PPP5C: variants seen among roughly 807,000 people sequenced by gnomAD.
The protein encoded by PPP5C is serine/threonine-protein phosphatase 5.
Under a neutral mutation model 66.7 loss-of-function variants are expected in PPP5C, and 21 were observed. The observed-to-expected ratio is 0.31, with a 90% CI of 0.22 to 0.45. The LOEUF is 0.45. PPP5C is among the 20% of genes least tolerant of loss of function. The pLI, the probability that PPP5C is intolerant of heterozygous loss-of-function variation, is 1.00. For synonymous variants in PPP5C, 246 were observed against 257.4 expected, an observed-to-expected ratio of 0.96 and a Z score of 0.43; for missense variants, 464 against 675.9, an observed-to-expected ratio of 0.69 and a Z score of 3.48.
chr19:46,361,978 A>G (rs1290527753), intron 2 of PPP5C, among the ~76,000 whole-genome samples: 2 of 151,954 alleles, frequency 1.3e-5, no homozygotes, highest in East Asian at 3.9e-4. Flanking sequence ...CCTACTTTCC[A>G]TATCTATTCA....
At chr19:46,374,031 G>T (rs1207887345) in intron 2 of PPP5C, among the ~76,000 whole-genome samples, 1 of 152,202 alleles carries the variant, frequency 6.6e-6, no homozygotes, top group African/African-American at 2.4e-5. Context: ...TGCCAGCCGG[G>T]TGTGGGCACA....
rs995711710 is a variant in PPP5C at position 46,390,558 on chromosome 19, G to C, written c.*212G>C. 5.7e-6 allele frequency: 8 copies of C among 1,409,698 alleles called. No homozygotes were observed. The East Asian group carries it at 1.8e-4, about 32-fold the overall frequency. 87.3% of individuals were successfully genotyped at this position (1,409,698 alleles called of 1,614,324 possible). A position where few individuals can be genotyped will look rare whatever the true frequency, so the allele number is the denominator to read the frequency against. On this transcript the variant is annotated 3_prime_UTR_variant, in exon 13 of 13. Transcript: ENST00000012443. ...GTCTGCTCCCTGGACAGAGAGGAAG[G>C]AGGTGGAGCAGCTGGGGCTGGGGGC... is the stretch of plus-strand genomic sequence containing the variant.
intron 11 of PPP5C, 148 bp from the exon 12 acceptor site, chr19:46,389,903 C>T (rs775212701): frequency 7.0e-6 from 4 of 572,726 alleles, no homozygotes; most frequent in Non-Finnish European, 1.3e-5. Flanking sequence ...ATTCGTCTTT[C>T]CCATCTCTGT....
chr19:46,348,424 C>T (rs1972124598), intron 1 of PPP5C, among the ~76,000 whole-genome samples: 2 of 151,368 alleles, frequency 1.3e-5, no homozygotes, highest in Non-Finnish European at 2.9e-5. Context: ...AGCGATTCTC[C>T]TGCCTCAGCC....
Position 46,387,130 on chromosome 19 carries a change from T to C in PPP5C, c.942T>C (p.Gly314=), listed in dbSNP as rs767557584. The change falls in exon 8 of 13, where the codon GGT becomes GGC. Residue 314 remains glycine, a synonymous_variant. Transcript: ENST00000012443. The stretch of plus-strand genomic sequence containing the variant: ...CAGACAACATGAACCAGATCTACGG[T>C]TTCGAGGGTGAGGTGAAGGCCAAGT... ...HETDNMNQIY[G]FEGEVKAKYT... The C allele has an allele frequency of 6.2e-7, 1 of 1,613,848 alleles. No individual in the cohort carries two copies. The highest frequency in any genetic ancestry group is 8.5e-7 in the Non-Finnish European group (1 of 1,179,924).
intron 6 of PPP5C, chr19:46,384,412 T>G: frequency 3.8e-6 from 1 of 264,824 alleles, no homozygotes; most frequent in East Asian, 8.5e-5. Flanking sequence ...AACGGCCACT[T>G]GTAGGGCCAC....
At chr19:46,362,797 A>T (rs1026501330) in intron 2 of PPP5C, among the ~76,000 whole-genome samples, 3 of 150,750 alleles carry the variant, frequency 2.0e-5, no homozygotes, top group Middle Eastern at 3.4e-3. Context: ...TTTTATTTTT[A>T]TTTTTTTTGA....
At chr19:46,355,557 C>T (rs1282432192) in intron 2 of PPP5C, among the ~76,000 whole-genome samples, 4 of 124,884 alleles carry the variant, frequency 3.2e-5, no homozygotes, top group Admixed American at 1.7e-4. Context: ...AGAGATGTGG[C>T]GGGGGGTTAG....
At chr19:46,389,460 C>G (rs8106592) in intron 11 of PPP5C, among the ~76,000 whole-genome samples, 74,638 of 120,266 alleles carry the variant, frequency 0.62, 24,399 homozygotes, top group Non-Finnish European at 0.67. Context: ...CACACACACA[C>G]AGTGTTGATC....
Position 46,383,118 on chromosome 19 carries a change from C to T in PPP5C, c.634-293C>T, listed in dbSNP as rs1268443524. 2 of 1,306,762 alleles carry T rather than the reference C, an allele frequency of 1.5e-6. No homozygotes were observed. Among genetic ancestry groups the T allele is most frequent in the Non-Finnish European group, 2.0e-6 (2 of 1,003,654 alleles). The allele number at this position is 1,306,762 out of a possible 1,614,324, so 80.9% of individuals were successfully genotyped here. On this transcript the variant is annotated intron_variant, in intron 4 of 12. Coordinates refer to ENST00000012443, the MANE Select transcript of PPP5C (RefSeq NM_006247.4). This position sits in a 1 kb window ranked among gnomAD's most constrained non-coding sequence, Gnocchi z 5.0. ...GTTCTTTTATAAAATGTTCTACGAT[C>T]TGGATTCATGCATGTATTTCCACTT...
chr19:46,354,041 G>T lies in PPP5C; in HGVS notation c.363+52G>T, dbSNP rs540645257. The T allele has an allele frequency of 5.0e-6, 8 of 1,591,010 alleles. No individual in the cohort carries two copies. The East Asian group carries it at 1.6e-4, about 32-fold the overall frequency. On this transcript the variant is annotated intron_variant, in intron 2 of 12. Transcript: ENST00000012443. ...GCACCTGAGCCAGGCAGATACTGAG[G>T]GCTGGGCTGGCGGGGACGGGTGTGA... is the stretch of plus-strand genomic sequence containing the variant.
rs1203819017 is a variant in PPP5C, at chr19:46,364,981, T to TTTTA, written c.364-10607_364-10604dup. 2.6e-5 allele frequency among the ~76,000 whole-genome samples: 4 copies of TTTTA among 151,980 alleles called. No homozygotes were observed. In the South Asian group the frequency reaches 8.3e-4, roughly 31 times the overall value. ...AGTTTCAATGAGCAGTTTCCTATAA[T>TTTTA]TTTATTTATTTATTTATTTGAGATG... On this transcript the variant is annotated intron_variant, in intron 2 of 12. Coordinates refer to ENST00000012443, the MANE Select transcript of PPP5C (RefSeq NM_006247.4).
intron 2 of PPP5C, among the ~76,000 whole-genome samples, chr19:46,358,259 G>T (rs1033281646): frequency 6.6e-6 from 1 of 152,274 alleles, no homozygotes; most frequent in South Asian, 2.1e-4. Flanking sequence ...TGGCCAGTTT[G>T]TTACTAGAAC....
At chr19:46,366,472 A>C (rs1326617607) in intron 2 of PPP5C, among the ~76,000 whole-genome samples, 1 of 152,068 alleles carries the variant, frequency 6.6e-6, no homozygotes, top group African/African-American at 2.4e-5. Flanking sequence ...CAGCCTCCCA[A>C]GTAGCTGGGA....
intron 2 of PPP5C, among the ~76,000 whole-genome samples, chr19:46,374,242 C>T (rs1417210522): frequency 6.6e-6 from 1 of 152,144 alleles, no homozygotes; most frequent in Admixed American, 6.5e-5. Flanking sequence ...ATGGATGAGC[C>T]TCACCCCCTG....
chr19:46,347,145 G>C lies in PPP5C; in HGVS notation c.49G>C (p.Asp17His), dbSNP rs989233752. The C allele has an allele frequency of 6.2e-7, 1 of 1,605,644 alleles. No individual in the cohort carries two copies. The highest frequency in any genetic ancestry group is 8.5e-7 in the Non-Finnish European group (1 of 1,176,394). ...ERTECAEPPR[D>H]EPPADGALKR... ...GACTGAGTGTGCTGAGCCCCCCCGG[G>C]ACGAACCCCCGGCTGATGGAGCTCT... is the stretch of plus-strand genomic sequence containing the variant. Residue 17 changes from aspartate to histidine, a missense_variant, in exon 1 of 13, where the codon GAC (aspartate) becomes CAC (histidine). Coordinates refer to ENST00000012443, the MANE Select transcript of PPP5C (RefSeq NM_006247.4).
At chr19:46,363,117 G>T (rs1972421436) in intron 2 of PPP5C, among the ~76,000 whole-genome samples, 1 of 146,180 alleles carries the variant, frequency 6.8e-6, no homozygotes, top group Non-Finnish European at 1.5e-5. Flanking sequence ...AACCATCCCG[G>T]CTAAAACGGT....
chr19:46,357,065 G>C (rs1479500562), intron 2 of PPP5C, among the ~76,000 whole-genome samples: 1 of 151,946 alleles, frequency 6.6e-6, no homozygotes, highest in South Asian at 2.1e-4. Flanking sequence ...TTTTTTGTTT[G>C]AGAGAGAGTC....
At chr19:46,365,785 A>G (rs1485828088) in intron 2 of PPP5C, among the ~76,000 whole-genome samples, 2 of 152,214 alleles carry the variant, frequency 1.3e-5, no homozygotes, top group African/African-American at 2.4e-5. Flanking sequence ...CTTTGAGGCA[A>G]GATGACTTAC....
Sources: gnomAD v4.1 joint callset for allele counts (sites outside exome capture counted in the v4.1 genomes callset) on GRCh38, gnomAD v4.1.1 for gene constraint, Gnocchi (gnomAD v3.1) non-coding constraint, MANE v1.5 for transcripts, NCBI Gene and HGNC (gene_info 2026-07-23, HGNC 2026-07-21) for gene names.